Variants in BIRC6 observed in about 807,000 individuals in gnomAD.
The protein encoded by BIRC6 is baculoviral IAP repeat containing 6, also known as dual E2 ubiquitin-conjugating enzyme/E3 ubiquitin-protein ligase BIRC6.
Under a neutral mutation model 503.3 loss-of-function variants are expected in BIRC6, and 98 were observed. The ratio of observed to expected loss-of-function variants is 0.19; its 90% confidence interval spans 0.17 to 0.23. The LOEUF is 0.23. BIRC6 is among the 10% of genes least tolerant of loss of function. The pLI, the probability that BIRC6 is intolerant of heterozygous loss-of-function variation, is 1.00. For synonymous variants in BIRC6, 2,240 were observed against 2,078.7 expected, an observed-to-expected ratio of 1.08 and a Z score of -2.11; for missense variants, 5,360 against 5,806.0, an observed-to-expected ratio of 0.92 and a Z score of 2.50.
intron 8 of BIRC6, among the ~76,000 whole-genome samples, 187 bp downstream of exon 8, chr2:32,401,810 G>A (rs1432798843): frequency 4.6e-5 from 7 of 152,176 alleles, no homozygotes; most frequent in Admixed American, 6.5e-5. Context: ...CAGAAACACC[G>A]TAGTTTATAA....
intron 9 of BIRC6, among the ~76,000 whole-genome samples, chr2:32,412,606 TG>T (rs754250269): frequency 5.1e-4 from 77 of 152,148 alleles, no homozygotes; most frequent in Middle Eastern, 3.4e-3. Flanking sequence ...CAGAAGACAC[TG>T]AATGTTTCAC....
At chr2:32,449,710 A>C (rs2046471081) in intron 22 of BIRC6, among the ~76,000 whole-genome samples, 1 of 152,244 alleles carries the variant, frequency 6.6e-6, no homozygotes, top group African/African-American at 2.4e-5. Flanking sequence ...AAATACAAAA[A>C]TATAAATGAA....
intron 45 of BIRC6, among the ~76,000 whole-genome samples, chr2:32,495,667 CCT>C (rs1281696870): frequency 6.6e-6 from 1 of 152,044 alleles, no homozygotes; most frequent in Non-Finnish European, 1.5e-5. Flanking sequence ...TTGTTACCCT[CCT>C]CACACAAAGT....
chr2:32,433,650 C>G lies in BIRC6; in HGVS notation c.3255C>G (p.Ser1085Arg), dbSNP rs1236754769. ...TTTTCCCCTTATTTGACAGCAACAG[C>G]TGGGATGAACATGTATTTGAATTAG... is the stretch of plus-strand genomic sequence containing the variant. Reference protein sequence around the residue: ...RTWKLQTDSNSWDEHVFELVL... With the variant: ...RTWKLQTDSNRWDEHVFELVL... The change falls in exon 13 of 74, where the codon AGC (serine) becomes AGG (arginine). Residue 1085 changes from serine (S) to arginine (R), a missense_variant. Physicochemically the swap from Ser to Arg is moderately radical, Grantham distance 110. Transcript: ENST00000421745. 1 of 1,551,812 alleles carries G rather than the reference C, an allele frequency of 6.4e-7. No individual in the cohort carries two copies. Among genetic ancestry groups the G allele is most frequent in the Non-Finnish European group, 8.8e-7 (1 of 1,136,602 alleles).
intron 58 of BIRC6, 114 bp from the exon 59 acceptor site, chr2:32,525,350 C>A: frequency 8.9e-7 from 1 of 1,125,570 alleles, no homozygotes; most frequent in Non-Finnish European, 1.3e-6. Context: ...AGGAACATTT[C>A]TGTTTTCTGA....
In BIRC6 at chr2:32,574,135, T is replaced by C. The variant is rs141675687; in HGVS notation, c.13145-1021T>C. Among the ~76,000 whole-genome samples the C allele has an allele frequency of 3.5e-3, 536 of 151,834 alleles. 2 individuals carry two copies. The highest frequency in any genetic ancestry group is 0.012 in the South Asian group (59 of 4,816). On this transcript the variant is annotated intron_variant, in intron 65 of 73. Coordinates refer to ENST00000421745, the MANE Select transcript of BIRC6 (RefSeq NM_016252.4). ...TATTAAGGGTACCAACCCCCACATA[T>C]TTGAGAATCCAAGTATAACTTTTTC...
intron 1 of BIRC6, among the ~76,000 whole-genome samples, chr2:32,364,969 C>T (rs1436965633): frequency 6.6e-6 from 1 of 152,154 alleles, no homozygotes; most frequent in Non-Finnish European, 1.5e-5. Flanking sequence ...CATTCCTACT[C>T]TCAACTATTC....
intron 34 of BIRC6, 56 bp downstream of exon 34, chr2:32,476,400 T>C: frequency 6.7e-7 from 1 of 1,490,676 alleles, no homozygotes; most frequent in Non-Finnish European, 8.9e-7. Flanking sequence ...AGTTATGATC[T>C]TTAATTACGA....
At chr2:32,609,285 CTGTGTG>C (rs58379253) in intron 72 of BIRC6, among the ~76,000 whole-genome samples, 23 of 147,550 alleles carry the variant, frequency 1.6e-4, no homozygotes, top group East Asian at 8.0e-4. Context: ...AAGTGTGGCT[CTGTGTG>C]TGTGTGTGTG....
At chr2:32,587,689 A>G (rs755094779) in intron 66 of BIRC6, among the ~76,000 whole-genome samples, 6 of 152,182 alleles carry the variant, frequency 3.9e-5, no homozygotes, top group Non-Finnish European at 8.8e-5. Context: ...ACGCCACTGC[A>G]CTCCATCCTG....
chr2:32,362,570 G>A (rs768202869), intron 1 of BIRC6, among the ~76,000 whole-genome samples: 3 of 151,608 alleles, frequency 2.0e-5, no homozygotes, highest in African/African-American at 4.9e-5. Context: ...TGCCTGCCTC[G>A]GCCTCCCAAA....
intron 69 of BIRC6, 39 bp downstream of exon 69, chr2:32,598,007 C>T: frequency 6.7e-7 from 1 of 1,484,556 alleles, no homozygotes; most frequent in Non-Finnish European, 9.2e-7. Flanking sequence ...CCCTTATCTC[C>T]TTGGCTCATC....
intron 72 of BIRC6, among the ~76,000 whole-genome samples, chr2:32,610,443 A>C (rs1030473871): frequency 6.6e-6 from 1 of 152,228 alleles, no homozygotes; most frequent in African/African-American, 2.4e-5. Context: ...CCTAAAATAA[A>C]ATCCCATCTA....
intron 66 of BIRC6, among the ~76,000 whole-genome samples, chr2:32,579,455 AG>A (rs1212411246): frequency 1.3e-5 from 2 of 152,182 alleles, no homozygotes; most frequent in African/African-American, 4.8e-5. Flanking sequence ...TGGGAGGCTT[AG>A]GTGGGACGAT....
In BIRC6 at chr2:32,448,653, G is replaced by A. The variant is rs562718005; in HGVS notation, c.4485-142G>A. ...GAGGGAGACCGTGGAAGGGGACCGTGGAGAGGGGAGAGGGGAGAGGGGAGA... is the reference window on the plus strand; with the variant it reads ...GAGGGAGACCGTGGAAGGGGACCGTAGAGAGGGGAGAGGGGAGAGGGGAGA... On this transcript the variant is annotated intron_variant, in intron 21 of 73. Transcript: ENST00000421745. 5.8e-5 allele frequency: 33 copies of A among 572,660 alleles called. No individual in the cohort carries two copies. The East Asian group carries it at 1.0e-3, about 17-fold the overall frequency. 35.5% of individuals were successfully genotyped at this position (572,660 alleles called of 1,614,324 possible).
intron 65 of BIRC6, among the ~76,000 whole-genome samples, chr2:32,560,924 G>A (rs950003392): frequency 1.3e-5 from 2 of 151,946 alleles, no homozygotes; most frequent in Admixed American, 6.6e-5. Flanking sequence ...AGTAGGCCGG[G>A]GGCGGTGGCT....
rs142713157 is a variant in BIRC6 at position 32,380,883 on chromosome 2, A to C, written c.645+593A>C. On this transcript the variant is annotated intron_variant, in intron 3 of 73. Coordinates refer to ENST00000421745, the MANE Select transcript of BIRC6 (RefSeq NM_016252.4). ...GATTGGTCAAGAGGCTGATGAAAGAAGCTTCCTTGTTAGGTTGTGAGCTTG... is the reference window on the plus strand; with the variant it reads ...GATTGGTCAAGAGGCTGATGAAAGACGCTTCCTTGTTAGGTTGTGAGCTTG... Among the ~76,000 whole-genome samples, 34 of 152,310 alleles carry C rather than the reference A, an allele frequency of 2.2e-4. No homozygotes were observed. In the East Asian group the frequency reaches 6.0e-3, roughly 27 times the overall value.
chr2:32,407,445 C>CAAAAAAAAAAAAAAAAAAAA (rs760585710), intron 9 of BIRC6, among the ~76,000 whole-genome samples: 1 of 69,812 alleles, frequency 1.4e-5, no homozygotes, highest in African/African-American at 5.4e-5. Flanking sequence ...AACTCTGTCT[C>CAAAAAAAAAAAAAAAAAAAA]AAAAAAAAAA....
chr2:32,484,208 AG>A (rs1156893683), intron 39 of BIRC6, among the ~76,000 whole-genome samples: 1 of 152,168 alleles, frequency 6.6e-6, no homozygotes. Context: ...GCTGGGGAGC[AG>A]AATGGTACTC....
Sources: allele counts gnomAD v4.1 joint callset (sites outside exome capture counted in the v4.1 genomes callset), GRCh38; gene constraint gnomAD v4.1.1; transcripts MANE v1.5; gene names NCBI Gene and HGNC (gene_info 2026-07-23, HGNC 2026-07-21).